The following C12orf42 variants were observed in gnomAD, a reference collection of about 807,000 sequenced individuals.
The protein encoded by C12orf42 is uncharacterized protein C12orf42.
C12orf42 carries 25 observed loss-of-function variants against 21.6 expected under a neutral mutation model. That is an observed-to-expected ratio of 1.16 (90% CI 0.84 to 1.62). The LOEUF (loss-of-function observed/expected upper bound fraction) is 1.62, where lower values mean the gene tolerates loss of function less well. C12orf42 is among the 40% of genes most tolerant of loss of function. The pLI, the probability that C12orf42 is intolerant of heterozygous loss-of-function variation, is 0.00. For synonymous variants in C12orf42, 174 were observed against 175.0 expected (o/e 0.99, Z 0.05); for missense variants, 483 against 459.3 (o/e 1.05, Z -0.47).
chr12:103,270,323 T>G, intron 5 of C12orf42: 7 of 117,930 alleles, frequency 5.9e-5, no homozygotes, highest in African/African-American at 3.4e-5. Flanking sequence ...TAGATGGAAG[T>G]AGGTGGGGGA....
the C12orf42 span, among the ~76,000 whole-genome samples, chr12:103,120,773 T>C: frequency 6.7e-6 from 1 of 149,060 alleles, no homozygotes; most frequent in Admixed American, 6.7e-5. Flanking sequence ...TAGTATATTA[T>C]ATATACCATA....
chr12:103,188,456 G>A, the C12orf42 span, among the ~76,000 whole-genome samples: 1 of 152,070 alleles, frequency 6.6e-6, no homozygotes, highest in Non-Finnish European at 1.5e-5. Context: ...GATGTGATGT[G>A]AGGATTGGAA....
the C12orf42 span, chr12:103,558,801 G>A: frequency 6.6e-6 from 1 of 152,302 alleles, no homozygotes; most frequent in African/African-American, 2.4e-5. Context: ...TAGTGAGAGA[G>A]ACTGATGTTA....
At chr12:103,239,115 G>A (rs1002378215) in intron 10 of C12orf42, among the ~76,000 whole-genome samples, 1 of 152,098 alleles carries the variant, frequency 6.6e-6, no homozygotes, top group African/African-American at 2.4e-5. Flanking sequence ...CTACAAATAG[G>A]CACTCTATAA....
chr12:103,359,019 C>T (rs576609697), intron 4 of C12orf42, among the ~76,000 whole-genome samples: 4 of 152,182 alleles, frequency 2.6e-5, no homozygotes, highest in South Asian at 4.1e-4. Context: ...TCACGCTACT[C>T]TTTTCCTTCT....
At chr12:103,056,195 T>C in the C12orf42 span, among the ~76,000 whole-genome samples, 1 of 152,134 alleles carries the variant, frequency 6.6e-6, no homozygotes, top group African/African-American at 2.4e-5. Context: ...TATCAGATTT[T>C]GCTGCTCAAA....
chr12:103,346,090 T>C (rs2042597842), intron 4 of C12orf42, among the ~76,000 whole-genome samples: 1 of 152,192 alleles, frequency 6.6e-6, no homozygotes, highest in South Asian at 2.1e-4. Flanking sequence ...TTACAATTCT[T>C]CAATGTTAAA....
At chr12:103,447,052 GA>G (rs1286175825) in intron 2 of C12orf42, among the ~76,000 whole-genome samples, 3 of 151,946 alleles carry the variant, frequency 2.0e-5, no homozygotes, top group Non-Finnish European at 4.4e-5. Flanking sequence ...AACAACTGCA[GA>G]ATATACATTC....
chr12:103,262,598 A>C (rs1345919657), intron 10 of C12orf42: 4 of 152,164 alleles, frequency 2.6e-5, no homozygotes, highest in Non-Finnish European at 5.9e-5. Context: ...ATGCATGTAT[A>C]ATAAGGGAAG....
At chr12:103,208,144 C>A in the C12orf42 span, among the ~76,000 whole-genome samples, 8 of 152,308 alleles carry the variant, frequency 5.3e-5, no homozygotes, top group East Asian at 1.2e-3. Flanking sequence ...AGCAAAGAGG[C>A]TAGTCGGCTA....
At chr12:103,131,426 T>C in the C12orf42 span, among the ~76,000 whole-genome samples, 1 of 152,204 alleles carries the variant, frequency 6.6e-6, no homozygotes, top group African/African-American at 2.4e-5. Flanking sequence ...CAAACTGCAT[T>C]CCAATCCAAA....
At chr12:103,377,858 G>C (rs534263386) in intron 3 of C12orf42, among the ~76,000 whole-genome samples, 1 of 152,166 alleles carries the variant, frequency 6.6e-6, no homozygotes, top group South Asian at 2.1e-4. Context: ...ACTTCATTCT[G>C]TTAACTCAGT....
At chr12:103,313,747 T>A (rs976142767) in intron 4 of C12orf42, among the ~76,000 whole-genome samples, 2 of 152,220 alleles carry the variant, frequency 1.3e-5, no homozygotes, top group Middle Eastern at 3.2e-3. Flanking sequence ...CTGAATGACC[T>A]CTTCGGTGGC....
chr12:103,294,430 GAA>G (rs375992934), intron 4 of C12orf42, among the ~76,000 whole-genome samples: 1,237 of 71,478 alleles, frequency 0.017, 17 homozygotes, highest in African/African-American at 0.064. Flanking sequence ...AGGAGAGAGA[GAA>G]AGAAAGAAAG....
Position 103,484,714 on chromosome 12 carries a change from T to C in C12orf42, c.-21-6267A>G, listed in dbSNP as rs1309630879. 3.3e-5 allele frequency among the ~76,000 whole-genome samples: 5 copies of C among 152,284 alleles called. No individual in the cohort carries two copies. The East Asian group carries it at 7.7e-4, about 24-fold the overall frequency. The stretch of plus-strand genomic sequence containing the variant: ...TTTGTTGCCATTGCTTTTGGTGTTT[T>C]AGTCATGAAGTCCTTCCCCATGCCT... On this transcript the variant is annotated intron_variant, in intron 1 of 5. Coordinates refer to ENST00000548883, the MANE Select transcript of C12orf42 (RefSeq NM_198521.5).
intron 4 of C12orf42, among the ~76,000 whole-genome samples, chr12:103,293,533 A>C (rs2036957547): frequency 6.6e-6 from 1 of 152,106 alleles, no homozygotes; most frequent in Non-Finnish European, 1.5e-5. Flanking sequence ...GGAAGCCTTC[A>C]ATTATTCCAA....
At chr12:103,108,167 T>C in the C12orf42 span, among the ~76,000 whole-genome samples, 2 of 151,488 alleles carry the variant, frequency 1.3e-5, no homozygotes, top group South Asian at 4.1e-4. Flanking sequence ...ATAAATTTAA[T>C]CTATATCCAA....
At chr12:103,225,012 G>A in the C12orf42 span, among the ~76,000 whole-genome samples, 1 of 152,208 alleles carries the variant, frequency 6.6e-6, no homozygotes, top group Non-Finnish European at 1.5e-5. Flanking sequence ...ATTTGGGCTT[G>A]ACTGAAGTAA....
At chr12:103,310,762 T>C (rs1161505924) in intron 4 of C12orf42, among the ~76,000 whole-genome samples, 1 of 152,256 alleles carries the variant, frequency 6.6e-6, no homozygotes, top group Non-Finnish European at 1.5e-5. Context: ...TTCATTTTAA[T>C]TGGTTGCCTC....
Sources: allele counts gnomAD v4.1 joint callset (sites outside exome capture counted in the v4.1 genomes callset), GRCh38; gene constraint gnomAD v4.1.1; transcripts MANE v1.5; gene names NCBI Gene and HGNC (gene_info 2026-07-23, HGNC 2026-07-21).